Variants in TLR7 observed in about 807,000 individuals in gnomAD.
TLR7 encodes the protein toll like receptor 7.
TLR7 carries 12 observed loss-of-function variants against 38.3 expected under a neutral mutation model. The observed-to-expected ratio is 0.31, with a 90% CI of 0.20 to 0.51. The LOEUF is 0.51. Among genes scored for constraint, TLR7 ranks in the 20% least tolerant of loss-of-function variants. TLR7 has a pLI of 0.98. For missense variants in TLR7, 504 were observed against 743.4 expected, an observed-to-expected ratio of 0.68 and a Z score of 3.74; for synonymous variants, 285 against 293.8, an observed-to-expected ratio of 0.97 and a Z score of 0.31.
In TLR7 at chrX:12,867,564, G is replaced by A. The variant is rs200696034; in HGVS notation, c.-15G>A. ...CAACCAGACCTCTACATTCCATTTT[G>A]GAAGAAGACTAAAAATGGTAAGAAC... On this transcript the variant is annotated 5_prime_UTR_variant, in exon 2 of 3. The change creates a premature stop within an existing upstream ORF in the 5' untranslated region. Coordinates refer to ENST00000380659, the MANE Select transcript of TLR7 (RefSeq NM_016562.4). 1.3e-5 allele frequency: 16 copies of A among 1,206,355 alleles called. No individual in the cohort carries two copies. The highest frequency in any genetic ancestry group is 1.7e-5 in the Non-Finnish European group (15 of 892,331).
chrX:12,880,569 C>T (rs993195073), intron 2 of TLR7, among the ~76,000 whole-genome samples: 12 of 112,154 alleles, frequency 1.1e-4, no homozygotes, highest in African/African-American at 3.9e-4. Context: ...AGACAGAAAT[C>T]TGACCTCTGC....
intron 2 of TLR7, among the ~76,000 whole-genome samples, chrX:12,869,594 G>A (rs1298965297): frequency 1.8e-5 from 2 of 110,433 alleles, no homozygotes; most frequent in Non-Finnish European, 3.8e-5. Context: ...TAGGAGGAGG[G>A]TGGGGCAGGA....
At chrX:12,879,022 C>T (rs935601579) in intron 2 of TLR7, among the ~76,000 whole-genome samples, 1 of 112,056 alleles carries the variant, frequency 8.9e-6, no homozygotes, top group Admixed American at 9.5e-5. Flanking sequence ...TGTAGAGTTG[C>T]AGCCAGAGCA....
chrX:12,883,011 A>G (rs1451120534), intron 2 of TLR7, among the ~76,000 whole-genome samples: 2 of 111,713 alleles, frequency 1.8e-5, no homozygotes, highest in Admixed American at 9.5e-5. Flanking sequence ...TGATAGTGGG[A>G]TCTATGAACC....
At position 12,885,826 on chromosome X, in the gene TLR7, G is replaced by A. The variant is rs749461862; in HGVS notation, c.318G>A (p.Gly106=). The change falls in exon 3 of 3, where the codon GGG becomes GGA. Residue 106 remains glycine, a synonymous_variant. Coordinates refer to ENST00000380659, the MANE Select transcript of TLR7 (RefSeq NM_016562.4). Reference sequence around the variant, plus strand: ...GCAACTGTGTACCTATTCCACTGGGGTCAAAAAACAACATGTGCATCAAGA... The same window carrying A: ...GCAACTGTGTACCTATTCCACTGGGATCAAAAAACAACATGTGCATCAAGA... The part of the protein sequence containing the change: ...FRCNCVPIPL[G]SKNNMCIKRL... The A allele has an allele frequency of 1.5e-5, 18 of 1,211,761 alleles. No individual in the cohort carries two copies. The highest frequency in any genetic ancestry group is 2.0e-5 in the Non-Finnish European group (18 of 895,534).
rs201018965 is a variant in TLR7 at position 12,887,708 on chromosome X, C to A, written c.2200C>A (p.Gln734Lys). Residue 734 changes from glutamine (Q) to lysine (K), a missense_variant, in exon 3 of 3, where the codon CAA becomes AAA. By Grantham distance (53) the Gln-to-Lys change is moderately conservative. Coordinates refer to ENST00000380659, the MANE Select transcript of TLR7 (RefSeq NM_016562.4). ...SLKNLILKNN[Q>K]IRSLTKYFLQ... Reference sequence around the variant, plus strand: ...CAAGAATCTGATTCTTAAGAATAATCAAATCAGGAGTCTGACGAAGTATTT... The same window carrying A: ...CAAGAATCTGATTCTTAAGAATAATAAAATCAGGAGTCTGACGAAGTATTT... The A allele has an allele frequency of 2.5e-6, 3 of 1,211,013 alleles. No homozygotes were observed. The highest frequency in any genetic ancestry group is 3.4e-6 in the Non-Finnish European group (3 of 895,018).
Position 12,877,182 on chromosome X carries a change from T to G in TLR7, c.4-8330T>G, listed in dbSNP as rs187429728. Among the ~76,000 whole-genome samples, 11 of 111,950 alleles carry G rather than the reference T, an allele frequency of 9.8e-5. No individual in the cohort carries two copies. The South Asian group carries it at 4.1e-3, about 41-fold the overall frequency. On this transcript the variant is annotated intron_variant, in intron 2 of 2. Transcript: ENST00000380659. The stretch of plus-strand genomic sequence containing the variant: ...CTCTAGATGGTCTTTTGGGTATACT[T>G]TCTCTTTAAATAACAGATTTAGAAG...
At position 12,887,177 on chromosome X, in the gene TLR7, C is replaced by T. The variant is rs1419393304; in HGVS notation, c.1669C>T (p.Leu557Phe). The change falls in exon 3 of 3, where the codon CTC (leucine) becomes TTC (phenylalanine). Residue 557 changes from leucine (L) to phenylalanine (F), a missense_variant. Physicochemically the swap from Leu to Phe is conservative, Grantham distance 22. Coordinates refer to ENST00000380659, the MANE Select transcript of TLR7 (RefSeq NM_016562.4). ...CTTCTCCAACAACCGGCTTGATTTA[C>T]TCCATTCAACAGCATTTGAAGAGCT... ...LDFSNNRLDL[L>F]HSTAFEELHK... The T allele has an allele frequency of 8.3e-6, 10 of 1,210,370 alleles. No individual in the cohort carries two copies. The highest frequency in any genetic ancestry group is 4.5e-6 in the Non-Finnish European group (4 of 895,342).
At chrX:12,884,826 G>A (rs1220658433) in intron 2 of TLR7, among the ~76,000 whole-genome samples, 2 of 112,652 alleles carry the variant, frequency 1.8e-5, no homozygotes, top group Admixed American at 9.4e-5. Flanking sequence ...TAAACCCAAT[G>A]TGTAGGGAAA....
intron 2 of TLR7, among the ~76,000 whole-genome samples, chrX:12,881,990 C>G (rs2042894143): frequency 9.0e-6 from 1 of 111,243 alleles, no homozygotes; most frequent in Non-Finnish European, 1.9e-5. Flanking sequence ...CTTGAATAGG[C>G]AACTAAGGGG....
intron 2 of TLR7, among the ~76,000 whole-genome samples, chrX:12,884,245 G>A (rs770449343): frequency 4.5e-5 from 5 of 112,047 alleles, no homozygotes; most frequent in African/African-American, 6.5e-5. Context: ...CTCCCAAAGC[G>A]TTGGTATTAG....
Position 12,886,348 on chromosome X carries a change from G to T in TLR7, c.840G>T (p.Gln280His). ...CAPCKNNSPLQIPVNAFDALT... is the reference protein window; with the variant it reads ...CAPCKNNSPLHIPVNAFDALT... ...CGTGTAAAAATAATTCTCCCCTACA[G>T]ATCCCTGTAAATGCTTTTGATGCGC... The change falls in exon 3 of 3, where the codon CAG (glutamine) becomes CAT (histidine). Residue 280 changes from glutamine to histidine, a missense_variant. Physicochemically the swap from Gln to His is conservative, Grantham distance 24 (BLOSUM62 0). Coordinates refer to ENST00000380659, the MANE Select transcript of TLR7 (RefSeq NM_016562.4). The T allele has an allele frequency of 1.7e-6, 2 of 1,211,641 alleles. No homozygotes were observed. Among genetic ancestry groups the T allele is most frequent in the Non-Finnish European group, 2.2e-6 (2 of 895,539 alleles).
At position 12,889,846 on chromosome X, in the gene TLR7, A is replaced by C. The variant is rs1346254949; in HGVS notation, c.*1188A>C. 8.9e-6 allele frequency: 1 copy of C among 112,666 alleles called. No individual in the cohort carries two copies. Among genetic ancestry groups the C allele is most frequent in the Non-Finnish European group, 1.9e-5 (1 of 53,357 alleles). The allele number at this position is 112,666 out of a possible 1,213,427, so 9.3% of individuals were successfully genotyped here. On this transcript the variant is annotated 3_prime_UTR_variant, in exon 3 of 3. Coordinates refer to ENST00000380659, the MANE Select transcript of TLR7 (RefSeq NM_016562.4). ...TAGATGGTTTTGATGGTAAACCCTAAAGGAGGACTCCAAGAGTGTGTATTT... is the reference window on the plus strand; with the variant it reads ...TAGATGGTTTTGATGGTAAACCCTACAGGAGGACTCCAAGAGTGTGTATTT...
chrX:12,869,830 C>CAAAAAAAAAAA, intron 2 of TLR7, among the ~76,000 whole-genome samples: 1 of 51,465 alleles, frequency 1.9e-5, no homozygotes. Context: ...TGCAGCCAGG[C>CAAAAAAAAAAA]AAAAAAAAAA....
rs1340650739 is a variant in TLR7, at chrX:12,887,516, T to C, written c.2008T>C (p.Phe670Leu). Reference protein sequence around the residue: ...NSLSFLPSGVFDGMPPNLKNL... With the variant: ...NSLSFLPSGVLDGMPPNLKNL... ...CCTAAGTTTCTTGCCTTCTGGAGTTTTTGATGGTATGCCTCCAAATCTAAA... is the reference window on the plus strand; with the variant it reads ...CCTAAGTTTCTTGCCTTCTGGAGTTCTTGATGGTATGCCTCCAAATCTAAA... The change falls in exon 3 of 3, where the codon TTT (phenylalanine) becomes CTT (leucine). Residue 670 changes from phenylalanine to leucine, a missense_variant. Physicochemically the swap from Phe to Leu is conservative, Grantham distance 22 (BLOSUM62 0). Transcript: ENST00000380659. 1.7e-6 allele frequency: 2 copies of C among 1,211,704 alleles called. No individual in the cohort carries two copies.
At chrX:12,869,817 C>A in intron 2 of TLR7, among the ~76,000 whole-genome samples, 1 of 78,707 alleles carries the variant, frequency 1.3e-5, no homozygotes. Context: ...CCAAGATGGT[C>A]AGTGCAGCCA....
rs2042924179 is a variant in TLR7, at chrX:12,889,597, C to T, written c.*939C>T. 8.9e-6 allele frequency: 1 copy of T among 112,230 alleles called. No homozygotes were observed. The highest frequency in any genetic ancestry group is 1.9e-5 in the Non-Finnish European group (1 of 53,314). The allele number at this position is 112,230 out of a possible 1,213,427, so 9.2% of individuals were successfully genotyped here. A position where few individuals can be genotyped will look rare whatever the true frequency, so the allele number is the denominator to read the frequency against. On this transcript the variant is annotated 3_prime_UTR_variant, in exon 3 of 3. Transcript: ENST00000380659. ...AGTAAGAAAGAAAGACACATCCTTA[C>T]CATAAATGCATATGGTCCACCTACA...
intron 2 of TLR7, among the ~76,000 whole-genome samples, chrX:12,883,553 A>G (rs1410706309): frequency 2.7e-5 from 3 of 111,541 alleles, no homozygotes; most frequent in Non-Finnish European, 3.8e-5. Flanking sequence ...GCAGTGGCTC[A>G]TGACTGTAAT....
intron 2 of TLR7, among the ~76,000 whole-genome samples, chrX:12,884,966 C>T (rs1428813811): frequency 8.9e-6 from 1 of 112,938 alleles, no homozygotes; most frequent in African/African-American, 3.2e-5. Context: ...AATCAAATGC[C>T]ACTTACTACT....
Sources: gnomAD v4.1 joint callset for allele counts (sites outside exome capture counted in the v4.1 genomes callset) on GRCh38, gnomAD v4.1.1 for gene constraint, MANE v1.5 for transcripts, NCBI Gene and HGNC (gene_info 2026-07-23, HGNC 2026-07-21) for gene names.